Variants in XXYLT1 observed in about 807,000 individuals in gnomAD.
XXYLT1 encodes UDP-xylose:alpha-xyloside alpha-1,3-xylosyltransferase.
A neutral mutation model predicts 28.9 loss-of-function variants in XXYLT1; 20 were observed. The ratio of observed to expected loss-of-function variants is 0.69; its 90% CI spans 0.49 to 1.00. The LOEUF is 1.00. Among genes scored for constraint, XXYLT1 ranks in the 50% least tolerant of loss-of-function variants. The pLI is 0.00. For missense variants in XXYLT1, 542 were observed against 560.1 expected (o/e 0.97, Z 0.33); for synonymous variants, 257 against 253.8 (o/e 1.01, Z -0.12).
intron 3 of XXYLT1, among the ~76,000 whole-genome samples, chr3:195,149,454 C>G (rs2108664361): frequency 1.3e-5 from 2 of 152,254 alleles, no homozygotes; most frequent in Middle Eastern, 6.8e-3. Context: ...ATGGCTGGAA[C>G]CTGGAAGCAA....
chr3:195,161,720 C>T (rs1484647406), intron 2 of XXYLT1, among the ~76,000 whole-genome samples: 2 of 151,332 alleles, frequency 1.3e-5, no homozygotes, highest in African/African-American at 4.9e-5. Context: ...CTGCAACCTC[C>T]GCCTCCCGGG....
chr3:195,246,058 C>T (rs1725010653), intron 1 of XXYLT1, among the ~76,000 whole-genome samples: 1 of 152,260 alleles, frequency 6.6e-6, no homozygotes, highest in African/African-American at 2.4e-5. Flanking sequence ...CAACCACACA[C>T]ACACCTGCTG....
intron 2 of XXYLT1, among the ~76,000 whole-genome samples, chr3:195,159,789 G>A (rs1180942615): frequency 1.3e-5 from 2 of 152,086 alleles, no homozygotes; most frequent in Non-Finnish European, 2.9e-5. Flanking sequence ...CACCACAGAG[G>A]GCCACATGCA....
chr3:195,128,561 C>T lies in XXYLT1; in HGVS notation c.785+27888G>A, dbSNP rs115786032. ...TGGACCAGCACTCTTACCTGCACAC[C>T]CCGGGCTCCTGGACTAAACTCTCAT... On this transcript the variant is annotated intron_variant, in intron 3 of 3. Transcript: ENST00000310380. Among the ~76,000 whole-genome samples the T allele has an allele frequency of 8.0e-3, 1,224 of 152,266 alleles. 8 individuals are homozygous for T. Among genetic ancestry groups the T allele is most frequent in the Middle Eastern group, 0.014 (4 of 294 alleles).
intron 2 of XXYLT1, among the ~76,000 whole-genome samples, chr3:195,182,510 G>A (rs189407522): frequency 5.1e-4 from 78 of 152,270 alleles, no homozygotes; most frequent in African/African-American, 1.7e-3. Flanking sequence ...CCTCAGAGCC[G>A]CAGAGCCAGA....
intron 1 of XXYLT1, chr3:195,259,543 C>T (rs1388694857): frequency 3.7e-5 from 36 of 984,646 alleles, no homozygotes; most frequent in Admixed American, 6.1e-5. Flanking sequence ...GGCGGCCGGG[C>T]TCCTCCTCCC....
chr3:195,104,050 T>G (rs1249941116), intron 3 of XXYLT1, among the ~76,000 whole-genome samples: 1 of 152,240 alleles, frequency 6.6e-6, no homozygotes, highest in Non-Finnish European at 1.5e-5. Context: ...GGCGCCTTTT[T>G]AGACATTACA....
chr3:195,230,463 C>T (rs1432678091), intron 1 of XXYLT1, among the ~76,000 whole-genome samples: 1 of 152,172 alleles, frequency 6.6e-6, no homozygotes. Flanking sequence ...TTTGCCAAGT[C>T]CAATGTCCTG....
chr3:195,135,980 T>C (rs1444942581), intron 3 of XXYLT1, among the ~76,000 whole-genome samples: 1 of 152,112 alleles, frequency 6.6e-6, no homozygotes, highest in Non-Finnish European at 1.5e-5. Flanking sequence ...ATGAATGGCC[T>C]GGCTGGATAC....
intron 1 of XXYLT1, among the ~76,000 whole-genome samples, chr3:195,265,374 A>G (rs888065626): frequency 2.0e-5 from 3 of 152,168 alleles, no homozygotes; most frequent in African/African-American, 7.2e-5. Flanking sequence ...CTCAAAAAAA[A>G]AAAAAAGAAA....
intron 3 of XXYLT1, among the ~76,000 whole-genome samples, chr3:195,143,784 T>TTATATATATATATATATATA (rs3073320): frequency 8.8e-6 from 1 of 113,956 alleles, no homozygotes. Context: ...TGTTCTCTCA[T>TTATATATATATATATATATA]TATATATATA....
chr3:195,171,114 A>C (rs1413205917), intron 2 of XXYLT1, among the ~76,000 whole-genome samples: 3 of 152,216 alleles, frequency 2.0e-5, no homozygotes, highest in African/African-American at 4.8e-5. Flanking sequence ...ACCCAACAGC[A>C]AAAGCAGCCA....
intron 2 of XXYLT1, among the ~76,000 whole-genome samples, chr3:195,219,908 T>C (rs377269328): frequency 1.1e-4 from 16 of 152,208 alleles, no homozygotes; most frequent in African/African-American, 3.9e-4. Context: ...TTCAAGAGAT[T>C]CGGGCAGAGG....
In XXYLT1 at chr3:195,070,040, G is replaced by A. The variant is rs368286345; in HGVS notation, c.857C>T (p.Pro286Leu). 1.4e-5 allele frequency: 22 copies of A among 1,600,938 alleles called. No homozygotes were observed. Among genetic ancestry groups the A allele is most frequent in the African/African-American group, 4.0e-5 (3 of 74,898 alleles). ...CAACATCACCCCGCTGTTGAAGCCC[G>A]GCAGCCCCTCGGGGGGCGGGCCCCC... ...RVGGPPPEGL[P>L]GFNSGVMLLN... The change falls in exon 4 of 4, where the codon CCG (proline) becomes CTG (leucine). Residue 286 changes from proline to leucine, a missense_variant. Pro to Leu is a moderately conservative substitution (Grantham distance 98, BLOSUM62 -3). Transcript: ENST00000310380.
rs934892190 is a variant in XXYLT1, at chr3:195,119,634, C to T, written c.785+36815G>A. On this transcript the variant is annotated intron_variant, in intron 3 of 3. Transcript: ENST00000310380. ...ATGAAGCGATGGCTGGAGCTACATT[C>T]CACGACAATGAGCTGGATGCCCCCA... Among the ~76,000 whole-genome samples the T allele has an allele frequency of 4.7e-5, 7 of 149,184 alleles. No homozygotes were observed. In the East Asian group the frequency reaches 5.8e-4, roughly 12 times the overall value.
At chr3:195,099,242 G>A (rs113810667) in intron 3 of XXYLT1, among the ~76,000 whole-genome samples, 63 of 152,258 alleles carry the variant, frequency 4.1e-4, no homozygotes, top group African/African-American at 1.4e-3. Flanking sequence ...AACGTGCTCA[G>A]CTTCACACAT....
intron 1 of XXYLT1, among the ~76,000 whole-genome samples, chr3:195,238,366 C>T (rs1238874646): frequency 6.6e-6 from 1 of 152,142 alleles, no homozygotes; most frequent in Non-Finnish European, 1.5e-5. Flanking sequence ...CAGGCCCTTC[C>T]TAACACCCTG....
intron 2 of XXYLT1, among the ~76,000 whole-genome samples, chr3:195,221,867 A>T (rs1443148371): frequency 6.6e-6 from 1 of 152,172 alleles, no homozygotes; most frequent in Non-Finnish European, 1.5e-5. Context: ...TGTGGAGGGC[A>T]CACAGGCAGG....
intron 3 of XXYLT1, among the ~76,000 whole-genome samples, chr3:195,122,667 A>T (rs372661468): frequency 5.5e-4 from 83 of 152,224 alleles, no homozygotes; most frequent in Non-Finnish European, 1.0e-3. Flanking sequence ...ACCACAAATT[A>T]GCCAGGAAGC....
Sources: allele counts gnomAD v4.1 joint callset (sites outside exome capture counted in the v4.1 genomes callset), GRCh38; gene constraint gnomAD v4.1.1; transcripts MANE v1.5; gene names NCBI Gene and HGNC (gene_info 2026-07-23, HGNC 2026-07-21).